Variants in SRRT observed in about 807,000 individuals in gnomAD.
The protein encoded by SRRT is serrate RNA effector molecule homolog.
SRRT carries 32 observed loss-of-function variants against 103.2 expected under a neutral mutation model. That is an observed-to-expected ratio of 0.31 (90% confidence interval 0.23 to 0.42). SRRT has a LOEUF of 0.42. SRRT is among the 10% of genes least tolerant of loss of function. SRRT has a pLI of 1.00. For missense variants in SRRT, 986 were observed against 1,207.5 expected (o/e 0.82, Z 2.72); for synonymous variants, 525 against 449.0 (o/e 1.17, Z -2.14).
rs1031798053 is a variant in SRRT, at chr7:100,886,784, C to T, written c.1648-11C>T. On this transcript the variant is annotated splice_polypyrimidine_tract_variant and intron_variant, in intron 13 of 19. Coordinates refer to ENST00000611405, the MANE Select transcript of SRRT (RefSeq NM_015908.6). ...CTTCTCTGCCTTACTTGCTTCTCTTCCTCCCATCAGAGCCTGCCCTCGCAA... is the reference window on the plus strand; with the variant it reads ...CTTCTCTGCCTTACTTGCTTCTCTTTCTCCCATCAGAGCCTGCCCTCGCAA... The T allele has an allele frequency of 1.9e-6, 3 of 1,613,834 alleles. No homozygotes were observed. Among genetic ancestry groups the T allele is most frequent in the Admixed American group, 3.3e-5 (2 of 59,966 alleles).
chr7:100,875,785 C>T (rs1184411826), intron 2 of SRRT, 73 bp downstream of exon 2: 1 of 1,582,968 alleles, frequency 6.3e-7, no homozygotes, highest in Non-Finnish European at 8.6e-7. Flanking sequence ...TTTCTTTCTC[C>T]CCCTTGTAAT....
In SRRT at chr7:100,885,751, G is replaced by C; in HGVS notation, c.1368G>C (p.Gln456His). 6.2e-7 allele frequency: 1 copy of C among 1,614,156 alleles called. No homozygotes were observed. Among genetic ancestry groups the C allele is most frequent in the Admixed American group, 1.7e-5 (1 of 60,026 alleles). ...GFMRVALSEPQPERRFFRRGW... is the reference protein window; with the variant it reads ...GFMRVALSEPHPERRFFRRGW... ...TGCGGGTGGCGCTCTCAGAGCCCCA[G>C]CCAGAGAGGAGGTGAGTAACTCGGT... is the stretch of plus-strand genomic sequence containing the variant. The change falls in exon 11 of 20, where the codon CAG (glutamine) becomes CAC (histidine). Residue 456 changes from glutamine to histidine, a missense_variant. Coordinates refer to ENST00000611405, the MANE Select transcript of SRRT (RefSeq NM_015908.6). The surrounding 1 kb of genome is among the most constrained non-coding windows in gnomAD (Gnocchi z 4.8).
In SRRT at chr7:100,887,418, G is replaced by A; in HGVS notation, c.2074G>A (p.Asp692Asn). The change falls in exon 16 of 20, where the codon GAC (aspartate) becomes AAC (asparagine). Residue 692 changes from aspartate (D) to asparagine (N), a missense_variant. Asp to Asn is a conservative substitution (Grantham distance 23). Around this residue, in one of 6 missense-constraint regions of SRRT, gnomAD observed 349 missense variants for 446.9 expected, o/e 0.78. Coordinates refer to ENST00000611405, the MANE Select transcript of SRRT (RefSeq NM_015908.6). This position sits in a 1 kb window ranked among gnomAD's most constrained non-coding sequence, Gnocchi z 4.1. ...AGAGGCCCAGAAGATGGGGCGCAAA[G>A]ACCCAGAGCAGGAAGTGGAGAAGTT... is the stretch of plus-strand genomic sequence containing the variant. The part of the protein sequence containing the change: ...EEEAQKMGRK[D>N]PEQEVEKFVT... 1.2e-6 allele frequency: 2 copies of A among 1,614,258 alleles called. No individual in the cohort carries two copies. The highest frequency in any genetic ancestry group is 1.3e-5 in the African/African-American group (1 of 75,066).
chr7:100,886,039 T>C (rs1183825625), intron 12 of SRRT, 98 bp downstream of exon 12: 3 of 1,448,688 alleles, frequency 2.1e-6, no homozygotes, highest in Non-Finnish European at 2.9e-6. Flanking sequence ...TTGGTTGTTC[T>C]GCACACTCTT....
chr7:100,876,172 G>C (rs1175417622), intron 2 of SRRT, among the ~76,000 whole-genome samples: 1 of 152,138 alleles, frequency 6.6e-6, no homozygotes, highest in Non-Finnish European at 1.5e-5. Context: ...GTTATTTCGA[G>C]ACAGAGTCTT....
At position 100,884,982 on chromosome 7, in the gene SRRT, G is replaced by A. The variant is rs758342788; in HGVS notation, c.1101G>A (p.Val367=). 1 of 1,614,122 alleles carries A rather than the reference G, an allele frequency of 6.2e-7. No homozygotes were observed. Among genetic ancestry groups the A allele is most frequent in the South Asian group, 1.1e-5 (1 of 91,088 alleles). Residue 367 remains valine, a synonymous_variant, in exon 9 of 20, where the codon GTG becomes GTA. Coordinates refer to ENST00000611405, the MANE Select transcript of SRRT (RefSeq NM_015908.6). ...SGDDSFDEGS[V]SESESESESG... ...ACGACAGCTTTGACGAGGGCAGCGTGTCAGAGTCTGAGTCGGAGTCAGAGA... is the reference window on the plus strand; with the variant it reads ...ACGACAGCTTTGACGAGGGCAGCGTATCAGAGTCTGAGTCGGAGTCAGAGA...
Position 100,884,830 on chromosome 7 carries a change from G to A in SRRT, c.1033G>A (p.Ala345Thr), listed in dbSNP as rs1584750856. ...EEKKEDSEKE[A>T]KKSSKKRNRK... ...GAAGAAAGAAGACTCCGAGAAGGAA[G>A]CCAAAAAGGTGAGGTGTCTGTGGCC... The change falls in exon 8 of 20, where the codon GCC becomes ACC. Residue 345 changes from alanine to threonine, a missense_variant. By Grantham distance (58) the Ala-to-Thr change is moderately conservative (BLOSUM62 0). Transcript: ENST00000611405. The A allele has an allele frequency of 2.5e-6, 4 of 1,613,984 alleles. No individual in the cohort carries two copies. Among genetic ancestry groups the A allele is most frequent in the South Asian group, 1.1e-5 (1 of 91,076 alleles).
In SRRT at chr7:100,888,140, G is replaced by A; in HGVS notation, c.2425G>A (p.Gly809Arg). 1 of 1,610,868 alleles carries A rather than the reference G, an allele frequency of 6.2e-7. No homozygotes were observed. The highest frequency in any genetic ancestry group is 8.5e-7 in the Non-Finnish European group (1 of 1,178,362). The change falls in exon 18 of 20, where the codon GGA (glycine) becomes AGA (arginine). Residue 809 changes from glycine to arginine, a missense_variant. Transcript: ENST00000611405. ...GCCCCGGCCCCCGATCTTGGGCTAT[G>A]GAGGTAAGTACAGGAGGGAGATGAA... The part of the protein sequence containing the change: ...GQPRPPILGY[G>R]AGAVRPAVPT...
intron 2 of SRRT, among the ~76,000 whole-genome samples, chr7:100,877,041 T>C (rs1333978620): frequency 6.6e-6 from 1 of 152,078 alleles, no homozygotes. Flanking sequence ...TACATATTAT[T>C]GCCATTTCCA....
rs770380395 is a variant in SRRT, at chr7:100,884,556, C to T, written c.942+4C>T. On this transcript the variant is annotated splice_donor_region_variant and intron_variant, in intron 7 of 19. Transcript: ENST00000611405. Reference sequence around the variant, plus strand: ...GAAGAAGGAAGACGGCAAGCAGGTCCGAGCCCTGGGTCTCCTAGTGTTGTC... The same window carrying T: ...GAAGAAGGAAGACGGCAAGCAGGTCTGAGCCCTGGGTCTCCTAGTGTTGTC... 6.0e-5 allele frequency: 96 copies of T among 1,602,292 alleles called. No homozygotes were observed. Among genetic ancestry groups the T allele is most frequent in the South Asian group, 4.2e-4 (38 of 90,068 alleles).
intron 2 of SRRT, among the ~76,000 whole-genome samples, chr7:100,879,090 G>A (rs914056585): frequency 2.6e-5 from 4 of 152,016 alleles, no homozygotes; most frequent in African/African-American, 9.7e-5. Context: ...CGAGTAGTTG[G>A]GATTACAGGT....
Position 100,882,315 on chromosome 7 carries a change from T to G in SRRT, c.587+74T>G, listed in dbSNP as rs1051766064. The G allele has an allele frequency of 6.6e-7, 1 of 1,517,392 alleles. No individual in the cohort carries two copies. Among genetic ancestry groups the G allele is most frequent in the Admixed American group, 2.0e-5 (1 of 50,174 alleles). 94.0% of individuals were successfully genotyped at this position (1,517,392 alleles called of 1,614,324 possible). The stretch of plus-strand genomic sequence containing the variant: ...CCCCGCTGGTGGAGCCACAGCCCTG[T>G]CCTCTTCCCAGTTTTCCCTGTCCAG... On this transcript the variant is annotated intron_variant, in intron 5 of 19. Transcript: ENST00000611405. The surrounding 1 kb of genome is among the most constrained non-coding windows in gnomAD (Gnocchi z 4.2).
rs761910805 is a variant in SRRT, at chr7:100,888,247, T to G, written c.2429-10T>G. The G allele has an allele frequency of 9.5e-5, 152 of 1,605,236 alleles. No individual in the cohort carries two copies. The highest frequency in any genetic ancestry group is 1.2e-4 in the Non-Finnish European group (143 of 1,174,072). On this transcript the variant is annotated splice_polypyrimidine_tract_variant and intron_variant, in intron 18 of 19. Transcript: ENST00000611405. The stretch of plus-strand genomic sequence containing the variant: ...ATAGTTTTGCAACTCAACACTGATC[T>G]CTGTCATAGCTGGTGCTGTCCGCCC...
At chr7:100,881,872 T>C in intron 4 of SRRT, 67 bp downstream of exon 4, 1 of 1,530,192 alleles carries the variant, frequency 6.5e-7, no homozygotes, top group Non-Finnish European at 8.7e-7. Flanking sequence ...CTGAAGGCCA[T>C]GGCTGAAGCC....
At chr7:100,886,507 C>T (rs951491178) in intron 13 of SRRT, 72 bp downstream of exon 13, 6 of 1,459,524 alleles carry the variant, frequency 4.1e-6, no homozygotes, top group African/African-American at 2.8e-5. Context: ...TCTGACCTTA[C>T]CTATCTGTAG....
At position 100,887,807 on chromosome 7, in the gene SRRT, G is replaced by A; in HGVS notation, c.2274G>A (p.Lys758=). The A allele has an allele frequency of 1.2e-6, 2 of 1,613,068 alleles. No individual in the cohort carries two copies. Among genetic ancestry groups the A allele is most frequent in the Non-Finnish European group, 1.7e-6 (2 of 1,179,096 alleles). ...TTAACAACTTCCTCACTGATGCTAAGCGCCCAGCTCTGCCTGAGATCAAGC... is the reference window on the plus strand; with the variant it reads ...TTAACAACTTCCTCACTGATGCTAAACGCCCAGCTCTGCCTGAGATCAAGC... ...AFFNNFLTDA[K]RPALPEIKPA... The change falls in exon 17 of 20, where the codon AAG becomes AAA. Residue 758 remains lysine, a synonymous_variant. Transcript: ENST00000611405. The surrounding 1 kb of genome is among the most constrained non-coding windows in gnomAD (Gnocchi z 4.1).
chr7:100,883,347 C>T (rs903507982), intron 5 of SRRT, among the ~76,000 whole-genome samples: 2 of 152,130 alleles, frequency 1.3e-5, no homozygotes. Flanking sequence ...TCACACTCTC[C>T]CCTTTCCTCC....
Position 100,884,439 on chromosome 7 carries a change from G to A in SRRT, c.829G>A (p.Ala277Thr), listed in dbSNP as rs1376200548. 6.2e-7 allele frequency: 1 copy of A among 1,613,636 alleles called. No homozygotes were observed. The highest frequency in any genetic ancestry group is 2.2e-5 in the East Asian group (1 of 44,870). ...ILEQEEEEEQAGKPGEPSKKE... is the reference protein window; with the variant it reads ...ILEQEEEEEQTGKPGEPSKKE... ...GGAGCAGGAGGAGGAGGAGGAGCAGGCAGGAAAGCCTGGGGAGCCCAGCAA... is the reference window on the plus strand; with the variant it reads ...GGAGCAGGAGGAGGAGGAGGAGCAGACAGGAAAGCCTGGGGAGCCCAGCAA... The change falls in exon 7 of 20, where the codon GCA (alanine) becomes ACA (threonine). Residue 277 changes from alanine (A) to threonine (T), a missense_variant. By Grantham distance (58) the Ala-to-Thr change is moderately conservative. Coordinates refer to ENST00000611405, the MANE Select transcript of SRRT (RefSeq NM_015908.6).
intron 12 of SRRT, 88 bp downstream of exon 12, chr7:100,886,029 T>C (rs2115873182): frequency 6.7e-7 from 1 of 1,486,492 alleles, no homozygotes; most frequent in Non-Finnish European, 9.4e-7. Flanking sequence ...ATCTGATAGT[T>C]TGGTTGTTCT....
Sources: allele counts gnomAD v4.1 joint callset (sites outside exome capture counted in the v4.1 genomes callset), GRCh38; gene constraint gnomAD v4.1.1; regional missense constraint gnomAD v4.1.1; non-coding constraint Gnocchi (gnomAD v3.1); transcripts MANE v1.5; gene names NCBI Gene and HGNC (gene_info 2026-07-23, HGNC 2026-07-21).